The following POLD3 variants were observed in gnomAD, a reference collection of about 807,000 sequenced individuals.
The protein encoded by POLD3 is DNA polymerase delta subunit 3.
In POLD3, 19 loss-of-function variants were observed where a neutral mutation model predicts 58.2. The observed-to-expected ratio is 0.33, with a 90% CI of 0.23 to 0.48. The LOEUF (loss-of-function observed/expected upper bound fraction) is 0.48, where lower values mean the gene tolerates loss of function less well. POLD3 is among the 20% of genes least tolerant of loss of function. The pLI is 0.99. For synonymous variants in POLD3, 172 were observed against 193.5 expected, an observed-to-expected ratio of 0.89 and a Z score of 0.92; for missense variants, 504 against 545.5, an observed-to-expected ratio of 0.92 and a Z score of 0.76.
intron 11 of POLD3, among the ~76,000 whole-genome samples, chr11:74,637,606 T>G (rs1006024608): frequency 6.6e-6 from 1 of 152,028 alleles, no homozygotes; most frequent in Non-Finnish European, 1.5e-5. Flanking sequence ...CTCCTCTTTC[T>G]GCCCCAAAAG....
At position 74,617,455 on chromosome 11, in the gene POLD3, G is replaced by A. The variant is rs546279364; in HGVS notation, c.393-1082G>A. On this transcript the variant is annotated intron_variant, in intron 5 of 11. Transcript: ENST00000263681. ...ATTGCTGTGTCGCCTAGGCTGGAGC[G>A]CAGTAGTGTGATCTTGGCTCACTGC... 1.6e-4 allele frequency among the ~76,000 whole-genome samples: 25 copies of A among 152,210 alleles called. No individual in the cohort carries two copies. The South Asian group carries it at 5.0e-3, about 30-fold the overall frequency.
chr11:74,655,710 C>A (rs11236190), intron 4 of POLD3, among the ~76,000 whole-genome samples: 9,992 of 151,736 alleles, frequency 0.066, 428 homozygotes, highest in Middle Eastern at 0.15. Flanking sequence ...AGAAAACATC[C>A]TCAACCTGCT....
intron 4 of POLD3, among the ~76,000 whole-genome samples, chr11:74,649,525 A>G (rs745434317): frequency 2.0e-5 from 3 of 152,200 alleles, no homozygotes; most frequent in African/African-American, 4.8e-5. Context: ...AAATGTACCA[A>G]TGATTTAATT....
chr11:74,621,359 T>C (rs2032249330), intron 7 of POLD3, among the ~76,000 whole-genome samples: 1 of 152,104 alleles, frequency 6.6e-6, no homozygotes, highest in South Asian at 2.1e-4. Flanking sequence ...ATCTAATGCC[T>C]GATCTGAGGT....
chr11:74,652,722 C>A, intron 4 of POLD3: 1 of 153,372 alleles, frequency 6.5e-6, no homozygotes, highest in South Asian at 1.8e-4. Flanking sequence ...TTGTGACATT[C>A]TGCTAAAAGT....
intron 5 of POLD3, among the ~76,000 whole-genome samples, chr11:74,616,756 T>G (rs966212058): frequency 2.0e-5 from 3 of 152,236 alleles, no homozygotes; most frequent in Non-Finnish European, 4.4e-5. Flanking sequence ...TAAAGTTACT[T>G]CTGAGATGAA....
At chr11:74,595,196 G>C in intron 2 of POLD3, 1 of 128,116 alleles carries the variant, frequency 7.8e-6, no homozygotes, top group South Asian at 2.4e-4. Context: ...TTTTGAGATG[G>C]GGTTTCACTA....
intron 7 of POLD3, among the ~76,000 whole-genome samples, chr11:74,624,127 T>C (rs958328027): frequency 6.6e-5 from 10 of 152,224 alleles, no homozygotes; most frequent in Non-Finnish European, 1.3e-4. Flanking sequence ...ATAATTTATG[T>C]GATAGATTGC....
chr11:74,665,631 C>T (rs2033259360), intron 4 of POLD3, among the ~76,000 whole-genome samples: 1 of 151,914 alleles, frequency 6.6e-6, no homozygotes, highest in Non-Finnish European at 1.5e-5. Context: ...AATTCTTGAC[C>T]TCAGGTGATC....
At chr11:74,620,406 T>A (rs1408337870) in intron 7 of POLD3, among the ~76,000 whole-genome samples, 1 of 152,220 alleles carries the variant, frequency 6.6e-6, no homozygotes, top group East Asian at 1.9e-4. Context: ...GGAGGCTGCC[T>A]GGCTACGCAG....
At chr11:74,659,785 A>G (rs752606344) in intron 4 of POLD3, among the ~76,000 whole-genome samples, 8 of 152,204 alleles carry the variant, frequency 5.3e-5, no homozygotes, top group Non-Finnish European at 7.3e-5. Flanking sequence ...TATTGTTCAT[A>G]TCACTATCAG....
At chr11:74,656,398 C>T (rs2033135483) in intron 4 of POLD3, among the ~76,000 whole-genome samples, 1 of 152,062 alleles carries the variant, frequency 6.6e-6, no homozygotes, top group Non-Finnish European at 1.5e-5. Flanking sequence ...ACCAGCCTGA[C>T]CAAAATGGTG....
In POLD3 at chr11:74,618,783, A is replaced by G. The variant is rs2032161316; in HGVS notation, c.639A>G (p.Thr213=). Residue 213 remains threonine, a synonymous_variant, in exon 6 of 12, where the codon ACA becomes ACG. Transcript: ENST00000263681. ...AAGAAACCAACAAGGAAACGAAAAC[A>G]GAGGCTAAAGAAGTAACAAATGTAA... The part of the protein sequence containing the change: ...KTQETNKETK[T]EAKEVTNASA... 1 of 1,612,156 alleles carries G rather than the reference A, an allele frequency of 6.2e-7. No homozygotes were observed. The highest frequency in any genetic ancestry group is 8.5e-7 in the Non-Finnish European group (1 of 1,178,464).
intron 2 of POLD3, among the ~76,000 whole-genome samples, chr11:74,597,649 C>T (rs944041079): frequency 1.3e-5 from 2 of 152,152 alleles, no homozygotes; most frequent in African/African-American, 2.4e-5. Context: ...TTTGTAGAGA[C>T]GGGGTTTTGC....
intron 4 of POLD3, among the ~76,000 whole-genome samples, chr11:74,648,309 C>G (rs1469676757): frequency 6.6e-6 from 1 of 152,150 alleles, no homozygotes; most frequent in African/African-American, 2.4e-5. Flanking sequence ...GCTTTCTCCC[C>G]TCTGGTTGGT....
chr11:74,623,121 A>G (rs2032316816), intron 7 of POLD3, among the ~76,000 whole-genome samples: 1 of 152,222 alleles, frequency 6.6e-6, no homozygotes, highest in South Asian at 2.1e-4. Context: ...AAACGTCCAG[A>G]ATAGGCAGGT....
intron 4 of POLD3, chr11:74,668,670 C>G (rs2033301142): frequency 6.8e-6 from 5 of 736,394 alleles, no homozygotes; most frequent in East Asian, 1.3e-4. Flanking sequence ...TGGGTGGGAA[C>G]ATTAAAGAGG....
intron 2 of POLD3, among the ~76,000 whole-genome samples, chr11:74,602,611 C>CTCT (rs2135122232): frequency 6.6e-6 from 1 of 152,218 alleles, no homozygotes; most frequent in African/African-American, 2.4e-5. Context: ...TTGCAATAGC[C>CTCT]TAACTGGTCT....
rs756799174 is a variant in POLD3 at position 74,640,657 on chromosome 11, CTG to C, written c.1295_1296del (p.Val432GlufsTer41). 5 of 1,612,680 alleles carry C rather than the reference CTG, an allele frequency of 3.1e-6. No homozygotes were observed. The highest frequency in any genetic ancestry group is 4.2e-6 in the Non-Finnish European group (5 of 1,179,358). Reference sequence around the variant, plus strand: ...TCAGTACACAGACCCCCTGCCATGACTGTGAAAAAAGAACCCAGAGAGGAACG... The same window carrying C: ...TCAGTACACAGACCCCCTGCCATGACTGAAAAAAGAACCCAGAGAGGAACG... On this transcript the variant is annotated frameshift_variant, in exon 12 of 12. Transcript: ENST00000263681. LOFTEE classifies it high-confidence loss of function.
Sources: allele counts gnomAD v4.1 joint callset (sites outside exome capture counted in the v4.1 genomes callset), GRCh38; gene constraint gnomAD v4.1.1; transcripts MANE v1.5; gene names NCBI Gene and HGNC (gene_info 2026-07-23, HGNC 2026-07-21).